The following DNAH8 variants were observed in gnomAD, a reference collection of about 807,000 sequenced individuals.
DNAH8 encodes axonemal beta dynein heavy chain 8.
DNAH8 carries 382 observed loss-of-function variants against 562.1 expected under a neutral mutation model. The ratio of observed to expected loss-of-function variants is 0.68; its 90% CI spans 0.63 to 0.74. DNAH8 has a LOEUF of 0.74. DNAH8 is among the 30% of genes least tolerant of loss of function. The probability of loss-of-function intolerance (pLI) is 0.00; values close to 1 mark genes in which losing one functional copy is unlikely to be tolerated. For synonymous variants in DNAH8, 1,881 were observed against 1,919.4 expected, an observed-to-expected ratio of 0.98 and a Z score of 0.52; for missense variants, 5,203 against 5,620.4, an observed-to-expected ratio of 0.93 and a Z score of 2.37.
intron 32 of DNAH8, among the ~76,000 whole-genome samples, chr6:38,836,847 T>A (rs1480021461): frequency 6.6e-6 from 1 of 152,146 alleles, no homozygotes; most frequent in Admixed American, 6.5e-5. Context: ...TTTATTCCTG[T>A]TCAGCTGATG....
At chr6:38,852,654 G>A (rs1391465711) in intron 39 of DNAH8, 40 bp from the exon 40 acceptor site, 3 of 1,430,290 alleles carry the variant, frequency 2.1e-6, no homozygotes, top group Non-Finnish European at 2.9e-6. Flanking sequence ...AGCGGCTTTT[G>A]TGTCCAGCCT....
At chr6:38,976,780 GATTA>G (rs71750239) in intron 85 of DNAH8, among the ~76,000 whole-genome samples, 19,150 of 152,140 alleles carry the variant, frequency 0.13, 1,279 homozygotes, top group African/African-American at 0.16. Flanking sequence ...TTTGTTAATT[GATTA>G]ATTGAGTCCT....
intron 53 of DNAH8, 45 bp downstream of exon 53, chr6:38,875,873 A>G (rs1240538684): frequency 4.0e-6 from 5 of 1,252,336 alleles, no homozygotes; most frequent in Middle Eastern, 2.1e-4. Flanking sequence ...CTTTTTTCAA[A>G]TGAGAAAATA....
chr6:38,908,111 CT>C lies in DNAH8; in HGVS notation c.9508del (p.Ser3170LeufsTer12). 6.4e-7 allele frequency: 1 copy of C among 1,560,536 alleles called. No homozygotes were observed. Among genetic ancestry groups the C allele is most frequent in the South Asian group, 1.2e-5 (1 of 82,994 alleles). ...GGAAGAACTTACATGTTGTTCTCTG[CT>C]TTTCTCCAGTAAGTTTTTATTTTTA... ...SRKNLHVVLCFSPVGEKFRAR... is the reference protein window; with the variant it reads ...SRKNLHVVLCXSPVGEKFRAR... On this transcript the variant is annotated frameshift_variant, in exon 64 of 93. Transcript: ENST00000327475. LOFTEE classifies it high-confidence loss of function.
intron 71 of DNAH8, among the ~76,000 whole-genome samples, chr6:38,921,975 G>A (rs140893620): frequency 0.011 from 1,729 of 151,980 alleles, 25 homozygotes; most frequent in Middle Eastern, 0.037. Flanking sequence ...GTGCTCAGTG[G>A]GGGAGCTTTT....
At chr6:38,770,298 A>AG in intron 11 of DNAH8, 115 bp from the exon 12 acceptor site, 1 of 597,370 alleles carries the variant, frequency 1.7e-6, no homozygotes, top group Non-Finnish European at 2.7e-6. Context: ...ATAAAAAAAA[A>AG]CTATACAGAT....
At chr6:38,910,051 C>T (rs1780769198) in intron 65 of DNAH8, among the ~76,000 whole-genome samples, 2 of 152,222 alleles carry the variant, frequency 1.3e-5, no homozygotes, top group African/African-American at 2.4e-5. Context: ...ACTAATTCAT[C>T]ACCAACTGTT....
rs757262289 is a variant in DNAH8, at chr6:38,863,995, C to A, written c.6433C>A (p.Gln2145Lys). ...VLTARKERKK[Q>K]FIFSDGDCVD... ...GACAGCAAGAAAAGAAAGAAAGAAA[C>A]AGTTCATTTTTTCTGATGGTGATTG... Residue 2145 changes from glutamine (Q) to lysine (K), a missense_variant, in exon 45 of 93, where the codon CAG becomes AAG. Around this residue, in one of 6 missense-constraint regions of DNAH8, gnomAD observed 2,176 missense variants for 2,365.1 expected, o/e 0.92. Transcript: ENST00000327475. 5.6e-5 allele frequency: 91 copies of A among 1,611,118 alleles called. No individual in the cohort carries two copies. Among genetic ancestry groups the A allele is most frequent in the Middle Eastern group, 5.0e-4 (3 of 6,054 alleles).
intron 81 of DNAH8, among the ~76,000 whole-genome samples, chr6:38,950,008 A>C (rs1247772981): frequency 6.6e-6 from 1 of 152,236 alleles, no homozygotes; most frequent in Admixed American, 6.5e-5. Context: ...CGAGAAAAAA[A>C]CCCAATAATA....
chr6:38,733,793 C>T (rs1043814995), intron 4 of DNAH8, among the ~76,000 whole-genome samples: 8 of 151,878 alleles, frequency 5.3e-5, no homozygotes, highest in African/African-American at 1.9e-4. Flanking sequence ...TGCTTGTAAT[C>T]CCAGCTACTT....
intron 83 of DNAH8, among the ~76,000 whole-genome samples, chr6:38,973,114 T>G (rs1156808023): frequency 6.6e-6 from 1 of 152,220 alleles, no homozygotes; most frequent in Non-Finnish European, 1.5e-5. Flanking sequence ...ATCAAGTATT[T>G]ATTTAGAAAG....
chr6:38,805,311 G>GA, intron 22 of DNAH8, among the ~76,000 whole-genome samples, 170 bp from the exon 23 acceptor site: 1 of 152,104 alleles, frequency 6.6e-6, no homozygotes, highest in African/African-American at 2.4e-5. Context: ...AATTTAAATT[G>GA]AATTCAAGGA....
chr6:38,775,712 C>A, intron 12 of DNAH8, 42 bp from the exon 13 acceptor site: 1 of 1,256,114 alleles, frequency 8.0e-7, no homozygotes, highest in Non-Finnish European at 1.1e-6. Flanking sequence ...AAGTTGCCTG[C>A]TATCTCATTT....
rs1353088541 is a variant in DNAH8, at chr6:38,759,338, CA to C, written c.1516-2361del. On this transcript the variant is annotated intron_variant, in intron 10 of 92. Transcript: ENST00000327475. ...ACAAACAAACAAACAAACAAACAAA[CA>C]AACCACCACCAACGAAAAAACCCAC... 5.3e-5 allele frequency among the ~76,000 whole-genome samples: 8 copies of C among 151,958 alleles called. No individual in the cohort carries two copies. In the East Asian group the frequency reaches 7.7e-4, roughly 15 times the overall value.
chr6:38,821,235 A>G (rs1772806642), intron 26 of DNAH8, among the ~76,000 whole-genome samples: 1 of 152,206 alleles, frequency 6.6e-6, no homozygotes, highest in Non-Finnish European at 1.5e-5. Flanking sequence ...GAAATAAAAC[A>G]ATTTAATGCA....
chr6:38,993,637 ATT>A (rs1764938059), intron 88 of DNAH8, among the ~76,000 whole-genome samples: 1 of 152,008 alleles, frequency 6.6e-6, no homozygotes, highest in Non-Finnish European at 1.5e-5. Context: ...ATATATACAT[ATT>A]GTTATTACCC....
chr6:38,733,045 C>A (rs745587193), intron 4 of DNAH8, among the ~76,000 whole-genome samples: 1 of 152,210 alleles, frequency 6.6e-6, no homozygotes, highest in Admixed American at 6.5e-5. Context: ...CATGCCACCA[C>A]ATCTGGCTAA....
intron 4 of DNAH8, among the ~76,000 whole-genome samples, chr6:38,731,991 T>C (rs1763692922): frequency 1.3e-5 from 2 of 152,188 alleles, no homozygotes; most frequent in South Asian, 4.1e-4. Flanking sequence ...GCTGAGATTA[T>C]AGGTGTGAGC....
intron 82 of DNAH8, among the ~76,000 whole-genome samples, chr6:38,954,876 T>A (rs2150645998): frequency 6.6e-6 from 1 of 152,298 alleles, no homozygotes; most frequent in African/African-American, 2.4e-5. Context: ...CAGCAAAGGC[T>A]CTAGGCTTGG....
Sources: allele counts gnomAD v4.1 joint callset (sites outside exome capture counted in the v4.1 genomes callset), GRCh38; gene constraint gnomAD v4.1.1; regional missense constraint gnomAD v4.1.1; transcripts MANE v1.5; gene names NCBI Gene and HGNC (gene_info 2026-07-23, HGNC 2026-07-21).